Variants in PCDH15 observed in about 807,000 individuals in gnomAD.
PCDH15 encodes protocadherin-15.
In PCDH15, 129 loss-of-function variants were observed where a neutral mutation model predicts 178.5. The observed-to-expected ratio is 0.72, with a 90% CI of 0.63 to 0.84. The LOEUF (loss-of-function observed/expected upper bound fraction) is 0.84. Among genes scored for constraint, PCDH15 ranks in the 40% least tolerant of loss-of-function variants. The probability of loss-of-function intolerance (pLI) is 0.00; values close to 1 mark genes in which losing one functional copy is unlikely to be tolerated. For synonymous variants in PCDH15, 800 were observed against 732.0 expected (o/e 1.09, Z -1.50); for missense variants, 2,230 against 2,099.9 (o/e 1.06, Z -1.21).
Position 54,657,838 on chromosome 10 carries a change from C to G in PCDH15, c.91+6334G>C, listed in dbSNP as rs191577134. ...ATCTCTAAAGGATTGTACTTGCACT[C>G]TAACCATAGATTCTAACCAAAATGA... On this transcript the variant is annotated intron_variant, in intron 2 of 37. Coordinates refer to ENST00000644397, the MANE Select transcript of PCDH15 (RefSeq NM_001384140.1). Among the ~76,000 whole-genome samples, 313 of 152,274 alleles carry G rather than the reference C, an allele frequency of 2.1e-3. 1 individual carries two copies. Among genetic ancestry groups the G allele is most frequent in the African/African-American group, 7.4e-3 (308 of 41,562 alleles).
chr10:54,257,082 T>C (rs568182417), intron 8 of PCDH15, among the ~76,000 whole-genome samples: 49 of 151,964 alleles, frequency 3.2e-4, no homozygotes, highest in African/African-American at 9.2e-4. Flanking sequence ...GATAGATAGA[T>C]AGATAGATAC....
intron 1 of PCDH15, among the ~76,000 whole-genome samples, chr10:54,777,203 G>A (rs576731755): frequency 6.6e-6 from 1 of 152,242 alleles, no homozygotes; most frequent in East Asian, 1.9e-4. Flanking sequence ...CCTGCCTTAA[G>A]ACAATCGTTG....
intron 1 of PCDH15, among the ~76,000 whole-genome samples, chr10:54,739,468 G>A (rs1944508570): frequency 6.7e-6 from 1 of 149,658 alleles, no homozygotes; most frequent in African/African-American, 2.5e-5. Flanking sequence ...GGGATTGGAA[G>A]AATTAACACA....
chr10:54,873,794 T>C (rs1323956354), intron 3 of PCDH15, among the ~76,000 whole-genome samples: 2 of 148,238 alleles, frequency 1.3e-5, no homozygotes, highest in Non-Finnish European at 3.0e-5. Context: ...TGTATATATA[T>C]ATGTTGGCTC....
At chr10:53,865,424 T>C (rs1319448319) in intron 27 of PCDH15, among the ~76,000 whole-genome samples, 1 of 152,128 alleles carries the variant, frequency 6.6e-6, no homozygotes, top group Non-Finnish European at 1.5e-5. Context: ...TGGGTTTAGC[T>C]GCAATGTTAA....
At chr10:55,530,341 C>T (rs1308836612) in intron 2 of PCDH15, among the ~76,000 whole-genome samples, 1 of 151,724 alleles carries the variant, frequency 6.6e-6, no homozygotes, top group African/African-American at 2.4e-5. Flanking sequence ...CACTCTCTCC[C>T]CAAAAAGCTT....
intron 2 of PCDH15, among the ~76,000 whole-genome samples, chr10:54,602,959 G>A (rs973421516): frequency 6.6e-6 from 1 of 151,878 alleles, no homozygotes; most frequent in Non-Finnish European, 1.5e-5. Flanking sequence ...TTATCAGGTC[G>A]ATGCTGGCTA....
At chr10:54,428,226 C>T (rs1441314079) in intron 3 of PCDH15, among the ~76,000 whole-genome samples, 4 of 152,132 alleles carry the variant, frequency 2.6e-5, no homozygotes, top group African/African-American at 4.8e-5. Context: ...TGTCTCCTTT[C>T]GGAGAGCATC....
In PCDH15 at chr10:53,803,033, A is replaced by G. The variant is rs1840964791; in HGVS notation, c.*3546T>C. The G allele has an allele frequency of 6.6e-6, 1 of 151,908 alleles. No homozygotes were observed. The highest frequency in any genetic ancestry group is 1.5e-5 in the Non-Finnish European group (1 of 67,826). 9.4% of individuals were successfully genotyped at this position (151,908 alleles called of 1,614,324 possible). A position where few individuals can be genotyped will look rare whatever the true frequency, so the allele number is the denominator to read the frequency against. On this transcript the variant is annotated 3_prime_UTR_variant, in exon 38 of 38. Coordinates refer to ENST00000644397, the MANE Select transcript of PCDH15 (RefSeq NM_001384140.1). ...GAAAAAAATACCAGTCTATAACTAA[A>G]GCTTCTTATGATAAAGATCAAAATT...
At chr10:55,470,645 C>A (rs1018356882) in intron 2 of PCDH15, among the ~76,000 whole-genome samples, 20 of 152,152 alleles carry the variant, frequency 1.3e-4, no homozygotes, top group African/African-American at 4.6e-4. Flanking sequence ...CATTGATAAA[C>A]CTACAGTGAC....
chr10:54,500,875 T>C (rs916767297), intron 3 of PCDH15, among the ~76,000 whole-genome samples: 3 of 152,060 alleles, frequency 2.0e-5, no homozygotes, highest in Non-Finnish European at 4.4e-5. Context: ...AAAGAAAATG[T>C]GGCACATATA....
intron 2 of PCDH15, among the ~76,000 whole-genome samples, chr10:55,001,993 C>A (rs184205238): frequency 2.0e-5 from 3 of 152,278 alleles, no homozygotes; most frequent in Middle Eastern, 3.4e-3. Context: ...ATGTTTATCA[C>A]TGATGGGCCT....
At chr10:55,150,104 G>T (rs1454785141) in intron 2 of PCDH15, among the ~76,000 whole-genome samples, 1 of 151,440 alleles carries the variant, frequency 6.6e-6, no homozygotes, top group African/African-American at 2.4e-5. Context: ...GATAGAAGAC[G>T]AGAGGAGAGA....
At position 54,764,308 on chromosome 10, in the gene PCDH15, A is replaced by T. The variant is rs189843837; in HGVS notation, c.-29+36617T>A. ...AATACATGAGCCTGTGAGTATATTA[A>T]ATTCACTGGCATGTTTTTTCATCTA... is the stretch of plus-strand genomic sequence containing the variant. On this transcript the variant is annotated intron_variant, in intron 1 of 37. Transcript: ENST00000644397. Among the ~76,000 whole-genome samples, 5 of 152,172 alleles carry T rather than the reference A, an allele frequency of 3.3e-5. No homozygotes were observed. In the East Asian group the frequency reaches 9.7e-4, roughly 29 times the overall value.
intron 3 of PCDH15, among the ~76,000 whole-genome samples, chr10:54,469,211 C>A (rs546121850): frequency 2.0e-5 from 3 of 152,282 alleles, no homozygotes; most frequent in East Asian, 3.9e-4. Context: ...TTTCTCCCAC[C>A]TCTGCCTCCT....
At chr10:54,650,911 G>A (rs975306921) in intron 2 of PCDH15, among the ~76,000 whole-genome samples, 1 of 152,094 alleles carries the variant, frequency 6.6e-6, no homozygotes, top group South Asian at 2.1e-4. Flanking sequence ...ATTTGGGTGA[G>A]GACACAGCCA....
chr10:54,120,697 G>T (rs1419438016), intron 15 of PCDH15, among the ~76,000 whole-genome samples: 2 of 152,138 alleles, frequency 1.3e-5, no homozygotes, highest in East Asian at 3.9e-4. Flanking sequence ...AAGAAAGAAA[G>T]AAAGGAACTA....
At chr10:55,357,344 GA>G (rs1367084254) in intron 2 of PCDH15, among the ~76,000 whole-genome samples, 1 of 151,430 alleles carries the variant, frequency 6.6e-6, no homozygotes, top group East Asian at 1.9e-4. Flanking sequence ...CTTTTTAACA[GA>G]ATTAAATTGT....
At chr10:53,808,353 T>C (rs536863267) in intron 37 of PCDH15, 4 of 692,288 alleles carry the variant, frequency 5.8e-6, no homozygotes, top group South Asian at 1.2e-4. Context: ...TATATATATA[T>C]GCCATCCATT....
Sources: gnomAD v4.1 joint callset for allele counts (sites outside exome capture counted in the v4.1 genomes callset) on GRCh38, gnomAD v4.1.1 for gene constraint, MANE v1.5 for transcripts, NCBI Gene and HGNC (gene_info 2026-07-23, HGNC 2026-07-21) for gene names.